SORBS2: variants seen among roughly 807,000 people sequenced by gnomAD.
The protein encoded by SORBS2 is sorbin and SH3 domain containing 2, also known as sorbin and SH3 domain-containing protein 2.
SORBS2 carries 46 observed loss-of-function variants against 97.7 expected under a neutral mutation model. The ratio of observed to expected loss-of-function variants is 0.47; its 90% CI spans 0.37 to 0.60. The LOEUF (loss-of-function observed/expected upper bound fraction) is 0.60, where lower values mean the gene tolerates loss of function less well. Ranked by LOEUF, SORBS2 falls within the 20% of genes least tolerant of loss-of-function variation. SORBS2 has a pLI of 0.00. For missense variants in SORBS2, 1,316 were observed against 1,282.3 expected, an observed-to-expected ratio of 1.03 and a Z score of -0.40; for synonymous variants, 476 against 473.4, an observed-to-expected ratio of 1.01 and a Z score of -0.07.
Position 185,623,646 on chromosome 4 carries a change from C to T in SORBS2, c.1483G>A (p.Ala495Thr), listed in dbSNP as rs1435256213. The change falls in exon 7 of 15, where the codon GCA becomes ACA. Residue 495 changes from alanine (A) to threonine (T), a missense_variant. Coordinates refer to ENST00000418609, the Ensembl canonical transcript of SORBS2. The surrounding 1 kb of genome is among the most constrained non-coding windows in gnomAD (Gnocchi z 6.4). ...TCGCTGTCGGAAAACTCCACGTGTG[C>T]TCGGGGCTGCTCATCGCTGGTGACT... 7 of 1,614,126 alleles carry T rather than the reference C, an allele frequency of 4.3e-6. No individual in the cohort carries two copies. The highest frequency in any genetic ancestry group is 5.9e-6 in the Non-Finnish European group (7 of 1,180,034).
chr4:185,826,445 CTTTTCTT>C (rs1481981087), intron 1 of SORBS2, among the ~76,000 whole-genome samples: 1 of 152,174 alleles, frequency 6.6e-6, no homozygotes, highest in African/African-American at 2.4e-5. Flanking sequence ...TCTTATAAAT[CTTTTCTT>C]TTTTCTTTGC....
At chr4:185,873,399 C>T (rs1294022955) in intron 1 of SORBS2, among the ~76,000 whole-genome samples, 2 of 152,156 alleles carry the variant, frequency 1.3e-5, no homozygotes, top group Non-Finnish European at 2.9e-5. Flanking sequence ...CTTGAATTCC[C>T]ACTGATTCCA....
Position 185,652,748 on chromosome 4 carries a change from C to T in SORBS2, c.25-20G>A. The T allele has an allele frequency of 1.3e-6, 2 of 1,599,632 alleles. No individual in the cohort carries two copies. ...GACTGTCTGTAATGAAGAGAGCGTC[C>T]AATGGTTACAAACTGGCTTCCAATC... On this transcript the variant is annotated intron_variant, in intron 1 of 14. Transcript: ENST00000418609.
intron 2 of SORBS2, among the ~76,000 whole-genome samples, chr4:185,692,104 T>G (rs1162414140): frequency 6.6e-6 from 1 of 152,230 alleles, no homozygotes; most frequent in Non-Finnish European, 1.5e-5. Context: ...ATGGAGTTTC[T>G]TATTTACCCA....
rs940046926 is a variant in SORBS2 at position 185,727,280 on chromosome 4, C to T, written c.-198+47947G>A. ...TAAGGATTGTCCACGTTTGTATTAA[C>T]GACCCTATTGCTTATGCCGTCACAA... On this transcript the variant is annotated intron_variant, in intron 2 of 20. Coordinates refer to the SORBS2 transcript ENST00000284776. 4.6e-5 allele frequency among the ~76,000 whole-genome samples: 7 copies of T among 152,194 alleles called. No individual in the cohort carries two copies. In the East Asian group the frequency reaches 7.7e-4, roughly 17 times the overall value.
chr4:185,922,394 C>G (rs1250415839), intron 1 of SORBS2, among the ~76,000 whole-genome samples: 1 of 152,142 alleles, frequency 6.6e-6, no homozygotes, highest in Non-Finnish European at 1.5e-5. Context: ...TGGCACTGAG[C>G]AAGTCTCTGA....
At chr4:185,863,773 C>T (rs949895933) in intron 1 of SORBS2, among the ~76,000 whole-genome samples, 2 of 152,148 alleles carry the variant, frequency 1.3e-5, no homozygotes, top group African/African-American at 4.8e-5. Flanking sequence ...TCCATTTTTA[C>T]ATTTTTATTA....
At chr4:185,758,628 A>G (rs2098845327) in intron 2 of SORBS2, among the ~76,000 whole-genome samples, 1 of 152,086 alleles carries the variant, frequency 6.6e-6, no homozygotes, top group Admixed American at 6.5e-5. Flanking sequence ...TGGCCGTTGC[A>G]ATAGCTTCCT....
chr4:185,877,714 A>T (rs1049726453), intron 1 of SORBS2, among the ~76,000 whole-genome samples: 4 of 152,010 alleles, frequency 2.6e-5, no homozygotes, highest in Non-Finnish European at 4.4e-5. Flanking sequence ...TAAAAAAAAT[A>T]CAAAAAATTA....
intron 1 of SORBS2, among the ~76,000 whole-genome samples, chr4:185,788,150 G>A (rs948768017): frequency 7.2e-5 from 11 of 152,312 alleles, no homozygotes; most frequent in African/African-American, 2.6e-4. Context: ...CTTTGTCGGA[G>A]ACTTGCTACT....
At chr4:185,787,652 C>A (rs2099062274) in intron 1 of SORBS2, among the ~76,000 whole-genome samples, 1 of 152,088 alleles carries the variant, frequency 6.6e-6, no homozygotes, top group African/African-American at 2.4e-5. Flanking sequence ...CTGAGCCTCC[C>A]TCCTCCCATC....
rs72703844 is a variant in SORBS2 at position 185,800,568 on chromosome 4, C to G, written c.-337-25202G>C. On this transcript the variant is annotated intron_variant, in intron 1 of 20. Coordinates refer to the SORBS2 transcript ENST00000284776. ...TGCTGTCCTCCCTGGGATCTTGCCC[C>G]TGGGGTAGCCCTGCTTCCCTTGCAG... Among the ~76,000 whole-genome samples the G allele has an allele frequency of 2.8e-3, 420 of 152,282 alleles. 1 individual carries two copies. Among genetic ancestry groups the G allele is most frequent in the Admixed American group, 7.3e-3 (112 of 15,306 alleles).
At chr4:185,795,994 C>T (rs2099102955) in intron 1 of SORBS2, among the ~76,000 whole-genome samples, 1 of 152,240 alleles carries the variant, frequency 6.6e-6, no homozygotes, top group Non-Finnish European at 1.5e-5. Context: ...CCCAGCCCTA[C>T]TGTCCTGTCT....
At chr4:185,952,755 CA>C (rs1561333396) in intron 1 of SORBS2, among the ~76,000 whole-genome samples, 3 of 151,846 alleles carry the variant, frequency 2.0e-5, no homozygotes, top group Non-Finnish European at 4.4e-5. Context: ...CTCTTCCTGG[CA>C]AAAAATAAAA....
intron 1 of SORBS2, among the ~76,000 whole-genome samples, chr4:185,804,459 C>T (rs2099144493): frequency 6.6e-6 from 1 of 152,206 alleles, no homozygotes; most frequent in Non-Finnish European, 1.5e-5. Context: ...AAAAATAATA[C>T]AACATGTAAA....
At chr4:185,905,089 A>C (rs1461996756) in intron 1 of SORBS2, among the ~76,000 whole-genome samples, 1 of 150,496 alleles carries the variant, frequency 6.6e-6, no homozygotes, top group Non-Finnish European at 1.5e-5. Context: ...GGGCAACAAG[A>C]GTGAAACTCT....
chr4:185,854,865 T>A (rs1255816015), intron 1 of SORBS2, among the ~76,000 whole-genome samples: 1 of 152,052 alleles, frequency 6.6e-6, no homozygotes, highest in African/African-American at 2.4e-5. Context: ...TGATTCCAAA[T>A]GCATCCTTGC....
At chr4:185,673,529 T>C (rs958968726) in intron 4 of SORBS2, among the ~76,000 whole-genome samples, 23 of 152,192 alleles carry the variant, frequency 1.5e-4, no homozygotes, top group African/African-American at 5.6e-4. Flanking sequence ...TGGAAAAATA[T>C]TATTTAATGA....
At chr4:185,782,689 AACAG>A (rs2099036789) in intron 1 of SORBS2, among the ~76,000 whole-genome samples, 1 of 152,368 alleles carries the variant, frequency 6.6e-6, no homozygotes, top group East Asian at 1.9e-4. Context: ...ATAAGTTATA[AACAG>A]ACAATGAATG....
Sources: gnomAD v4.1 joint callset for allele counts (sites outside exome capture counted in the v4.1 genomes callset) on GRCh38, gnomAD v4.1.1 for gene constraint, Gnocchi (gnomAD v3.1) non-coding constraint, MANE v1.5 for transcripts, NCBI Gene and HGNC (gene_info 2026-07-23, HGNC 2026-07-21) for gene names.